RAP1GAP2: variants seen among roughly 807,000 people sequenced by gnomAD.
RAP1GAP2 encodes the protein rap1 GTPase-activating protein 2.
A neutral mutation model predicts 95.0 loss-of-function variants in RAP1GAP2; 27 were observed. The ratio of observed to expected loss-of-function variants is 0.28; its 90% CI spans 0.21 to 0.39. RAP1GAP2 has a LOEUF of 0.39. Ranked by LOEUF, RAP1GAP2 falls within the 10% of genes least tolerant of loss-of-function variation. The probability of loss-of-function intolerance (pLI) is 1.00; values close to 1 mark genes in which losing one functional copy is unlikely to be tolerated. For missense variants in RAP1GAP2, 771 were observed against 970.0 expected, an observed-to-expected ratio of 0.79 and a Z score of 2.72; for synonymous variants, 373 against 380.9, an observed-to-expected ratio of 0.98 and a Z score of 0.24.
At chr17:2,982,870 G>A (rs2045417574) in intron 10 of RAP1GAP2, among the ~76,000 whole-genome samples, 2 of 152,174 alleles carry the variant, frequency 1.3e-5, no homozygotes, top group Admixed American at 1.3e-4. Context: ...CTGAAGGACC[G>A]CTGAGTCCGG....
intron 1 of RAP1GAP2, among the ~76,000 whole-genome samples, chr17:2,791,080 C>T (rs1040296401): frequency 2.0e-5 from 3 of 152,262 alleles, no homozygotes; most frequent in Non-Finnish European, 2.9e-5. Flanking sequence ...TGGCAGGTGC[C>T]TGTAATCCCA....
At chr17:2,851,415 T>C (rs2071840523) in intron 2 of RAP1GAP2, among the ~76,000 whole-genome samples, 1 of 152,108 alleles carries the variant, frequency 6.6e-6, no homozygotes, top group Non-Finnish European at 1.5e-5. Flanking sequence ...TTCTTGTGCT[T>C]TGGGGTCCCC....
At chr17:2,875,822 C>T (rs1567732210) in intron 2 of RAP1GAP2, among the ~76,000 whole-genome samples, 1 of 151,976 alleles carries the variant, frequency 6.6e-6, no homozygotes. Flanking sequence ...CTTGGACATC[C>T]GATAGTTCTT....
At chr17:2,802,565 G>A (rs1221528612) in intron 2 of RAP1GAP2, among the ~76,000 whole-genome samples, 1 of 152,146 alleles carries the variant, frequency 6.6e-6, no homozygotes, top group Non-Finnish European at 1.5e-5. Flanking sequence ...AAAAAAATTA[G>A]CTGGGCGCGG....
intron 2 of RAP1GAP2, among the ~76,000 whole-genome samples, chr17:2,883,432 C>T (rs574373356): frequency 3.9e-5 from 6 of 152,310 alleles, no homozygotes; most frequent in Admixed American, 2.6e-4. Context: ...GCCCTGCTCT[C>T]GGCACCTTCC....
At chr17:2,950,681 G>C in intron 3 of RAP1GAP2, among the ~76,000 whole-genome samples, 1 of 142,008 alleles carries the variant, frequency 7.0e-6, no homozygotes, top group South Asian at 2.2e-4. Flanking sequence ...TGTGATCTCA[G>C]CTCACTGCAA....
intron 17 of RAP1GAP2, among the ~76,000 whole-genome samples, chr17:3,016,935 A>C (rs915056798): frequency 2.6e-5 from 4 of 152,166 alleles, no homozygotes; most frequent in African/African-American, 7.2e-5. Context: ...GCTGAGTTGC[A>C]TTCCTGCCCG....
chr17:2,901,189 C>A (rs2042015091), intron 2 of RAP1GAP2, among the ~76,000 whole-genome samples: 1 of 152,162 alleles, frequency 6.6e-6, no homozygotes, highest in African/African-American at 2.4e-5. Context: ...TCCTGTGCTT[C>A]TAGGGAGGAA....
chr17:3,032,881 G>T (rs1027477280), intron 24 of RAP1GAP2, among the ~76,000 whole-genome samples: 2 of 152,130 alleles, frequency 1.3e-5, no homozygotes, highest in Admixed American at 1.3e-4. Context: ...GCACTGTGAG[G>T]GACCACCCCA....
At chr17:2,967,329 C>T (rs1402810970) in intron 8 of RAP1GAP2, among the ~76,000 whole-genome samples, 1 of 152,156 alleles carries the variant, frequency 6.6e-6, no homozygotes, top group Admixed American at 6.6e-5. Flanking sequence ...AAGGATCGCA[C>T]CACTGCACTC....
In RAP1GAP2 at chr17:2,781,704, G is replaced by A. The variant is rs571388467; in HGVS notation, c.-14+4426G>A. Among the ~76,000 whole-genome samples, 7 of 136,728 alleles carry A rather than the reference G, an allele frequency of 5.1e-5. No individual in the cohort carries two copies. The East Asian group carries it at 6.3e-4, about 12-fold the overall frequency. 89.7% of individuals were successfully genotyped at this position (136,728 alleles called of 152,430 possible). A position where few individuals can be genotyped will look rare whatever the true frequency, so the allele number is the denominator to read the frequency against. ...TGTGTGCAGGTCTCTGTGTGTGCAC[G>A]TCTCTGTGTGAGCACGTCTCTGTGT... On this transcript the variant is annotated intron_variant, in intron 1 of 24. Coordinates refer to the RAP1GAP2 transcript ENST00000540393.
rs769247638 is a variant in RAP1GAP2 at position 3,003,835 on chromosome 17, C to T, written c.1201-1534C>T. On this transcript the variant is annotated intron_variant, in intron 14 of 24. Transcript: ENST00000254695. The surrounding 1 kb of genome is among the most constrained non-coding windows in gnomAD (Gnocchi z 4.1). ...CTGGTTGGAATGGGGTCAAGAGAGG[C>T]GCACAATGAGGATGGAAGGTGAACG... Among the ~76,000 whole-genome samples, 8 of 152,144 alleles carry T rather than the reference C, an allele frequency of 5.3e-5. No individual in the cohort carries two copies. The highest frequency in any genetic ancestry group is 4.1e-4 in the South Asian group (2 of 4,820).
chr17:2,852,010 C>T (rs984913817), intron 2 of RAP1GAP2, among the ~76,000 whole-genome samples: 4 of 152,310 alleles, frequency 2.6e-5, no homozygotes, highest in Non-Finnish European at 5.9e-5. Flanking sequence ...TAAGCCAGCG[C>T]CCTCATCACC....
chr17:2,880,232 A>G lies in RAP1GAP2; in HGVS notation c.81-25052A>G, dbSNP rs573020224. Among the ~76,000 whole-genome samples, 7 of 151,772 alleles carry G rather than the reference A, an allele frequency of 4.6e-5. 1 individual carries two copies. The South Asian group carries it at 1.5e-3, about 32-fold the overall frequency. ...GAGTGTGGGTGAGAGAAGGGTCTAGACAGAGGGAGTAGTGTGAGTGGGAGG... is the reference window on the plus strand; with the variant it reads ...GAGTGTGGGTGAGAGAAGGGTCTAGGCAGAGGGAGTAGTGTGAGTGGGAGG... On this transcript the variant is annotated intron_variant, in intron 2 of 24. Coordinates refer to ENST00000254695, the MANE Select transcript of RAP1GAP2 (RefSeq NM_015085.5).
rs71150901 is a variant in RAP1GAP2 at position 2,826,147 on chromosome 17, AT to A, written c.80+25618del. Among the ~76,000 whole-genome samples the A allele has an allele frequency of 1.3e-3, 141 of 108,854 alleles. 1 individual carries two copies. The highest frequency in any genetic ancestry group is 8.5e-3 in the East Asian group (33 of 3,860). 71.4% of individuals were successfully genotyped at this position (108,854 alleles called of 152,430 possible). On this transcript the variant is annotated intron_variant, in intron 2 of 24. Transcript: ENST00000254695. ...AGGCACCCACCACCACGCCCAGCAAATTTTTTTTTTTTTTTTTTTTTGTATT... is the reference window on the plus strand; with the variant it reads ...AGGCACCCACCACCACGCCCAGCAAATTTTTTTTTTTTTTTTTTTTGTATT...
Position 3,018,060 on chromosome 17 carries a change from G to C in RAP1GAP2, c.1495-1G>C. The stretch of plus-strand genomic sequence containing the variant: ...CTCAGGCCCTTGTTCTCTCCCCGTA[G>C]AGGGCCATCCGCGTACGCAGCCACT... On this transcript the variant is annotated splice_acceptor_variant, in intron 17 of 24. Transcript: ENST00000254695. LOFTEE classifies it high-confidence loss of function. 6.3e-7 allele frequency: 1 copy of C among 1,582,462 alleles called. No individual in the cohort carries two copies. The highest frequency in any genetic ancestry group is 8.6e-7 in the Non-Finnish European group (1 of 1,164,766).
chr17:2,927,686 G>C (rs1055497191), intron 3 of RAP1GAP2, among the ~76,000 whole-genome samples: 15 of 152,188 alleles, frequency 9.9e-5, no homozygotes, highest in Non-Finnish European at 2.1e-4. Flanking sequence ...AGTGTTGGGG[G>C]GCAGTATTTG....
intron 2 of RAP1GAP2, among the ~76,000 whole-genome samples, chr17:2,877,363 A>G (rs180792985): frequency 1.3e-5 from 2 of 152,274 alleles, no homozygotes; most frequent in Admixed American, 1.3e-4. Context: ...CCCTGCGGCC[A>G]TGTTTTTCCC....
At chr17:2,828,901 C>T (rs1413095369) in intron 2 of RAP1GAP2, among the ~76,000 whole-genome samples, 2 of 150,824 alleles carry the variant, frequency 1.3e-5, no homozygotes, top group Non-Finnish European at 2.9e-5. Context: ...TTTTGCTTTT[C>T]TTTTTGCTCC....
Sources: gnomAD v4.1 joint callset for allele counts (sites outside exome capture counted in the v4.1 genomes callset) on GRCh38, gnomAD v4.1.1 for gene constraint, Gnocchi (gnomAD v3.1) non-coding constraint, MANE v1.5 for transcripts, NCBI Gene and HGNC (gene_info 2026-07-23, HGNC 2026-07-21) for gene names.